Variants in SLC2A10 observed in about 807,000 individuals in gnomAD.
SLC2A10 encodes the protein solute carrier family 2, facilitated glucose transporter member 10.
SLC2A10 carries 25 observed loss-of-function variants against 32.1 expected under a neutral mutation model. That is an observed-to-expected ratio of 0.78 (90% CI 0.57 to 1.09). The LOEUF is 1.09. Ranked by LOEUF, SLC2A10 falls within the 50% of genes least tolerant of loss-of-function variation. The probability of loss-of-function intolerance (pLI) is 0.00; values close to 1 mark genes in which losing one functional copy is unlikely to be tolerated. For missense variants in SLC2A10, 673 were observed against 686.5 expected, an observed-to-expected ratio of 0.98 and a Z score of 0.22; for synonymous variants, 332 against 309.6, an observed-to-expected ratio of 1.07 and a Z score of -0.76.
intron 1 of SLC2A10, among the ~76,000 whole-genome samples, chr20:46,711,672 G>A (rs547788354): frequency 5.9e-5 from 9 of 152,260 alleles, no homozygotes; most frequent in African/African-American, 1.9e-4. Flanking sequence ...TCATGGCTGC[G>A]GGTCTCTGTC....
chr20:46,728,784 A>AT (rs1227213564), intron 3 of SLC2A10, among the ~76,000 whole-genome samples: 1 of 151,040 alleles, frequency 6.6e-6, no homozygotes, highest in Non-Finnish European at 1.5e-5. Flanking sequence ...TGCCCAGCTA[A>AT]TTTTTTTATT....
At chr20:46,711,157 C>G (rs911080363) in intron 1 of SLC2A10, among the ~76,000 whole-genome samples, 3 of 152,232 alleles carry the variant, frequency 2.0e-5, no homozygotes, top group African/African-American at 7.2e-5. Context: ...CCGCGCCCGG[C>G]CCTGAATTAA....
Position 46,725,315 on chromosome 20 carries a change from C to T in SLC2A10, c.279C>T (p.Gly93=). 3 of 1,614,088 alleles carry T rather than the reference C, an allele frequency of 1.9e-6. No individual in the cohort carries two copies. The highest frequency in any genetic ancestry group is 1.1e-5 in the South Asian group (1 of 91,086). ...LVLLAGSLTL[G]LAGSLAWLVL... Reference sequence around the variant, plus strand: ...TGCTGGCAGGCAGCCTGACCCTGGGCCTGGCTGGTTCCCTGGCCTGGCTGG... The same window carrying T: ...TGCTGGCAGGCAGCCTGACCCTGGGTCTGGCTGGTTCCCTGGCCTGGCTGG... Residue 93 remains glycine (G), a synonymous_variant, in exon 2 of 5, where the codon GGC becomes GGT. Transcript: ENST00000359271.
chr20:46,715,014 T>C (rs1458856853), intron 1 of SLC2A10, among the ~76,000 whole-genome samples: 1 of 152,160 alleles, frequency 6.6e-6, no homozygotes, highest in Non-Finnish European at 1.5e-5. Context: ...CTTAAGGACA[T>C]GGGTTTGGGA....
rs1055500540 is a variant in SLC2A10 at position 46,726,983 on chromosome 20, A to T, written c.1408A>T (p.Ile470Phe). 6 of 1,613,802 alleles carry T rather than the reference A, an allele frequency of 3.7e-6. No individual in the cohort carries two copies. The highest frequency in any genetic ancestry group is 5.1e-6 in the Non-Finnish European group (6 of 1,179,836). The change falls in exon 3 of 5, where the codon ATT (isoleucine) becomes TTT (phenylalanine). Residue 470 changes from isoleucine to phenylalanine, a missense_variant. By Grantham distance (21) the Ile-to-Phe change is conservative (BLOSUM62 0). Transcript: ENST00000359271. ...CATCAGCCTCTCCTTCCTCGATCTC[A>T]TTGGTGAGTCCTTCCCAGACAAGTC... The part of the protein sequence containing the change: ...LFISLSFLDL[I>F]GTIGLSWTFL...
Position 46,725,513 on chromosome 20 carries a change from T to C in SLC2A10, c.477T>C (p.Gly159=). The C allele has an allele frequency of 6.2e-7, 1 of 1,614,070 alleles. No homozygotes were observed. Among genetic ancestry groups the C allele is most frequent in the Non-Finnish European group, 8.5e-7 (1 of 1,180,006 alleles). The part of the protein sequence containing the change: ...LSYALNYALA[G]TPWGWRHMFG... ...ATGCCCTCAACTATGCACTGGCTGG[T>C]ACCCCCTGGGGATGGAGGCACATGT... is the stretch of plus-strand genomic sequence containing the variant. Residue 159 remains glycine (G), a synonymous_variant, in exon 2 of 5, where the codon GGT becomes GGC. Coordinates refer to ENST00000359271, the MANE Select transcript of SLC2A10 (RefSeq NM_030777.4).
intron 1 of SLC2A10, among the ~76,000 whole-genome samples, chr20:46,715,210 G>A (rs1979160039): frequency 6.6e-6 from 1 of 151,030 alleles, no homozygotes; most frequent in South Asian, 2.1e-4. Flanking sequence ...CATGATAGCT[G>A]TTATTATTAC....
At chr20:46,711,825 G>C (rs1416921335) in intron 1 of SLC2A10, among the ~76,000 whole-genome samples, 1 of 152,122 alleles carries the variant, frequency 6.6e-6, no homozygotes, top group Non-Finnish European at 1.5e-5. Flanking sequence ...AACTTCTCTG[G>C]TCACTATCAA....
chr20:46,725,974 G>A lies in SLC2A10; in HGVS notation c.938G>A (p.Gly313Asp), dbSNP rs1296860833. 1 of 1,613,810 alleles carries A rather than the reference G, an allele frequency of 6.2e-7. No homozygotes were observed. ...GCCCTCATGGCCCTGTCCGTCAGTG[G>A]CATAGGCCTCGTCAGCTTTGCCGTG... Reference protein sequence around the residue: ...GCALMALSVSGIGLVSFAVPM... With the variant: ...GCALMALSVSDIGLVSFAVPM... Residue 313 changes from glycine to aspartate, a missense_variant, in exon 2 of 5, where the codon GGC (glycine) becomes GAC (aspartate). By Grantham distance (94) the Gly-to-Asp change is moderately conservative. Coordinates refer to ENST00000359271, the MANE Select transcript of SLC2A10 (RefSeq NM_030777.4).
chr20:46,718,200 C>T (rs79235940), intron 1 of SLC2A10, among the ~76,000 whole-genome samples: 10,014 of 151,962 alleles, frequency 0.066, 430 homozygotes, highest in Non-Finnish European at 0.098. Flanking sequence ...GCCTGAGTGA[C>T]GGAACGAGAC....
intron 1 of SLC2A10, among the ~76,000 whole-genome samples, chr20:46,721,165 G>C (rs921267855): frequency 6.6e-6 from 1 of 152,138 alleles, no homozygotes; most frequent in African/African-American, 2.4e-5. Context: ...GCCATATTCT[G>C]GTGGTTAAAA....
At chr20:46,727,668 A>G (rs143302750) in intron 3 of SLC2A10, among the ~76,000 whole-genome samples, 54 of 152,106 alleles carry the variant, frequency 3.6e-4, no homozygotes, top group African/African-American at 1.3e-3. Context: ...CCTCCCTAGC[A>G]TTGAAACCCA....
rs1377014952 is a variant in SLC2A10, at chr20:46,735,958, A to G, written c.*2124A>G. 6.6e-6 allele frequency: 1 copy of G among 152,186 alleles called. No homozygotes were observed. Among genetic ancestry groups the G allele is most frequent in the Non-Finnish European group, 1.5e-5 (1 of 68,040 alleles). The allele number at this position is 152,186 out of a possible 1,614,324, so 9.4% of individuals were successfully genotyped here. On this transcript the variant is annotated 3_prime_UTR_variant, in exon 5 of 5. Coordinates refer to ENST00000359271, the MANE Select transcript of SLC2A10 (RefSeq NM_030777.4). ...AAATTTCAACCAGCATTCATGCCGAACCTATACCCATTCTTCAGTGCCTAG... is the reference window on the plus strand; with the variant it reads ...AAATTTCAACCAGCATTCATGCCGAGCCTATACCCATTCTTCAGTGCCTAG...
At chr20:46,709,805 C>T (rs1978800799) in intron 1 of SLC2A10, 65 bp downstream of exon 1, 4 of 1,535,624 alleles carry the variant, frequency 2.6e-6, no homozygotes, top group Non-Finnish European at 3.5e-6. Context: ...GACACCGCCC[C>T]CACGCTCCCC....
At chr20:46,714,771 T>C (rs1041252329) in intron 1 of SLC2A10, 3 of 152,470 alleles carry the variant, frequency 2.0e-5, no homozygotes, top group African/African-American at 7.2e-5. Context: ...ACTCAGGTGA[T>C]GGGAACCATG....
In SLC2A10 at chr20:46,734,368, T is replaced by G; in HGVS notation, c.*534T>G. 1 of 176,502 alleles carries G rather than the reference T, an allele frequency of 5.7e-6. No homozygotes were observed. The highest frequency in any genetic ancestry group is 5.5e-5 in the Admixed American group (1 of 18,164). 10.9% of individuals were successfully genotyped at this position (176,502 alleles called of 1,614,324 possible). On this transcript the variant is annotated 3_prime_UTR_variant, in exon 5 of 5. Coordinates refer to ENST00000359271, the MANE Select transcript of SLC2A10 (RefSeq NM_030777.4). ...ATCTTGGCTCACTGCAACCTCCACC[T>G]CCTGAGTTCAAGCGATTCTTGTGCC...
intron 1 of SLC2A10, among the ~76,000 whole-genome samples, chr20:46,712,420 C>A (rs1444924549): frequency 2.6e-5 from 4 of 152,020 alleles, no homozygotes; most frequent in Non-Finnish European, 2.9e-5. Flanking sequence ...TCTCCCCCCT[C>A]CCCCTGCCCC....
rs1327940460 is a variant in SLC2A10, at chr20:46,735,287, T to C, written c.*1453T>C. The C allele has an allele frequency of 1.3e-5, 2 of 152,644 alleles. No individual in the cohort carries two copies. The highest frequency in any genetic ancestry group is 2.4e-5 in the African/African-American group (1 of 41,452). The allele number at this position is 152,644 out of a possible 1,614,324, so 9.5% of individuals were successfully genotyped here. A position where few individuals can be genotyped will look rare whatever the true frequency, so the allele number is the denominator to read the frequency against. ...CTCTGGCCTCTCGAGTTCTCCTATC[T>C]TCTCCATTCTAGATGCTTCCCTTGT... is the stretch of plus-strand genomic sequence containing the variant. On this transcript the variant is annotated 3_prime_UTR_variant, in exon 5 of 5. Transcript: ENST00000359271.
At chr20:46,728,311 C>T (rs1009547944) in intron 3 of SLC2A10, among the ~76,000 whole-genome samples, 3 of 152,172 alleles carry the variant, frequency 2.0e-5, no homozygotes, top group Non-Finnish European at 4.4e-5. Context: ...ATGGACGTGG[C>T]TGTCAGAGGT....
Sources: gnomAD v4.1 joint callset for allele counts (sites outside exome capture counted in the v4.1 genomes callset) on GRCh38, gnomAD v4.1.1 for gene constraint, MANE v1.5 for transcripts, NCBI Gene and HGNC (gene_info 2026-07-23, HGNC 2026-07-21) for gene names.